The following MERTK variants were observed in gnomAD, a reference collection of about 807,000 sequenced individuals.
MERTK encodes MER proto-oncogene, tyrosine kinase.
Under a neutral mutation model 99.3 loss-of-function variants are expected in MERTK, and 69 were observed. The ratio of observed to expected loss-of-function variants is 0.70; its 90% CI spans 0.57 to 0.85. The LOEUF is 0.85. Ranked by LOEUF, MERTK falls within the 40% of genes least tolerant of loss-of-function variation. The pLI is 0.00. For missense variants in MERTK, 1,125 were observed against 1,249.4 expected, an observed-to-expected ratio of 0.90 and a Z score of 1.50; for synonymous variants, 426 against 467.6, an observed-to-expected ratio of 0.91 and a Z score of 1.15.
intron 6 of MERTK, among the ~76,000 whole-genome samples, chr2:111,973,810 C>T (rs1676172935): frequency 6.6e-6 from 1 of 152,044 alleles, no homozygotes. Flanking sequence ...ATGGAAGTTT[C>T]GCCCAGGACT....
At chr2:111,973,769 A>G (rs1030759646) in intron 6 of MERTK, among the ~76,000 whole-genome samples, 2 of 152,054 alleles carry the variant, frequency 1.3e-5, no homozygotes, top group East Asian at 1.9e-4. Context: ...CCTTATCCCC[A>G]TACCCAGACA....
chr2:111,901,523 A>G (rs1684042016), intron 1 of MERTK, among the ~76,000 whole-genome samples: 1 of 151,800 alleles, frequency 6.6e-6, no homozygotes, highest in African/African-American at 2.4e-5. Context: ...CTGACCCATT[A>G]AAGTGCTGAG....
In MERTK at chr2:111,935,267, G is replaced by C. The variant is rs76856141; in HGVS notation, c.482+5727G>C. On this transcript the variant is annotated intron_variant, in intron 2 of 18. Coordinates refer to ENST00000295408, the MANE Select transcript of MERTK (RefSeq NM_006343.3). ...GAGGGATGGCTGAACATTGAGGCAA[G>C]TTGGGCAGACCTGGTCCCTGTCCTC... 6.2e-3 allele frequency among the ~76,000 whole-genome samples: 947 copies of C among 152,340 alleles called. 6 individuals carry two copies. The highest frequency in any genetic ancestry group is 0.01 in the Non-Finnish European group (691 of 68,032).
Position 112,029,444 on chromosome 2 carries a change from T to A in MERTK, c.*580T>A. 1.7e-6 allele frequency: 1 copy of A among 603,588 alleles called. No individual in the cohort carries two copies. Among genetic ancestry groups the A allele is most frequent in the Non-Finnish European group, 2.1e-6 (1 of 481,074 alleles). The allele number at this position is 603,588 out of a possible 1,614,324, so 37.4% of individuals were successfully genotyped here. ...TGTGGCCTTTGCAAAGGAATTCCCT[T>A]AATGCCTGGTCCTTGGGGCAATTGC... On this transcript the variant is annotated 3_prime_UTR_variant, in exon 19 of 19. Coordinates refer to ENST00000295408, the MANE Select transcript of MERTK (RefSeq NM_006343.3).
chr2:112,006,577 G>A (rs996522270), intron 13 of MERTK, among the ~76,000 whole-genome samples: 1 of 152,136 alleles, frequency 6.6e-6, no homozygotes, highest in African/African-American at 2.4e-5. Context: ...GGGAGGAGCT[G>A]GGCCTGGAAC....
At chr2:112,015,215 A>G (rs1252619600) in intron 15 of MERTK, among the ~76,000 whole-genome samples, 1 of 152,224 alleles carries the variant, frequency 6.6e-6, no homozygotes, top group Non-Finnish European at 1.5e-5. Flanking sequence ...ATGCTGGGTC[A>G]TATGGTAAGT....
Position 111,922,283 on chromosome 2 carries a change from A to AGTCACCTCGGTGATCACCTTG in MERTK, c.62-6835_62-6815dup, listed in dbSNP as rs1437812505. On this transcript the variant is annotated intron_variant, in intron 1 of 18. Coordinates refer to ENST00000295408, the MANE Select transcript of MERTK (RefSeq NM_006343.3). ...AATTTCAGTTGCTGCTGCTTTCTTT[A>AGTCACCTCGGTGATCACCTTG]GTCACCTCGGTGATCACCTTGGGCT... Among the ~76,000 whole-genome samples the AGTCACCTCGGTGATCACCTTG allele has an allele frequency of 4.3e-4, 65 of 152,298 alleles. 1 individual carries two copies. The Middle Eastern group carries it at 0.01, about 24-fold the overall frequency.
chr2:111,974,858 A>G (rs145844300), intron 6 of MERTK, among the ~76,000 whole-genome samples: 77 of 152,052 alleles, frequency 5.1e-4, no homozygotes, highest in African/African-American at 1.5e-3. Context: ...AATTTGGGAA[A>G]TATTTCCTTT....
intron 7 of MERTK, among the ~76,000 whole-genome samples, chr2:111,982,470 T>A (rs371926216): frequency 3.3e-5 from 5 of 152,222 alleles, no homozygotes; most frequent in African/African-American, 9.6e-5. Context: ...GTAGCCTCAA[T>A]CTCCTGGGCT....
chr2:111,974,793 G>GAAAGA (rs1231960779), intron 6 of MERTK, among the ~76,000 whole-genome samples: 12 of 107,774 alleles, frequency 1.1e-4, no homozygotes, highest in Admixed American at 1.9e-4. Flanking sequence ...AAAAAAAAAA[G>GAAAGA]AAAGAAAAGA....
At chr2:111,999,490 G>A (rs1161935872) in intron 10 of MERTK, among the ~76,000 whole-genome samples, 2 of 151,940 alleles carry the variant, frequency 1.3e-5, no homozygotes, top group Non-Finnish European at 2.9e-5. Context: ...ATAGAGATGA[G>A]GCATCTCACT....
chr2:111,997,136 G>T, intron 9 of MERTK, 187 bp from the exon 10 acceptor site: 1 of 776,058 alleles, frequency 1.3e-6, no homozygotes, highest in South Asian at 1.4e-5. Flanking sequence ...AATCAAGCTA[G>T]TTTCCCATCA....
chr2:111,911,219 A>C (rs1383754970), intron 1 of MERTK, among the ~76,000 whole-genome samples: 2 of 152,072 alleles, frequency 1.3e-5, no homozygotes, highest in Admixed American at 6.5e-5. Context: ...ACATGTTATA[A>C]AATTTCATAT....
At chr2:112,003,363 G>A (rs1030537944) in intron 12 of MERTK, 176 bp downstream of exon 12, 2 of 517,264 alleles carry the variant, frequency 3.9e-6, no homozygotes, top group Non-Finnish European at 6.9e-6. Flanking sequence ...ACTCAGATCT[G>A]GCACATGAAA....
intron 6 of MERTK, among the ~76,000 whole-genome samples, chr2:111,973,811 G>A (rs996343888): frequency 3.3e-5 from 5 of 151,958 alleles, no homozygotes; most frequent in Admixed American, 2.0e-4. Flanking sequence ...TGGAAGTTTC[G>A]CCCAGGACTA....
At position 112,021,647 on chromosome 2, in the gene MERTK, C is replaced by A. The variant is rs1278960085; in HGVS notation, c.2349+66C>A. On this transcript the variant is annotated intron_variant, in intron 17 of 18. Transcript: ENST00000295408. ...GAGGAGGGCATATTGAAAGAAATGA[C>A]CTCAGCTGGTATGGCAAGACATTTT... The A allele has an allele frequency of 8.3e-6, 12 of 1,452,814 alleles. No individual in the cohort carries two copies. The Admixed American group carries it at 1.8e-4, about 22-fold the overall frequency. The allele number at this position is 1,452,814 out of a possible 1,614,324, so 90.0% of individuals were successfully genotyped here.
chr2:112,025,783 T>C (rs955766906), intron 18 of MERTK, among the ~76,000 whole-genome samples: 1 of 152,228 alleles, frequency 6.6e-6, no homozygotes, highest in Admixed American at 6.5e-5. Flanking sequence ...ATTCATATGA[T>C]TGCATTTAAT....
chr2:111,950,623 G>C (rs1685037617), intron 4 of MERTK, among the ~76,000 whole-genome samples: 1 of 152,080 alleles, frequency 6.6e-6, no homozygotes, highest in South Asian at 2.1e-4. Flanking sequence ...AGATTATTGT[G>C]GTTTTAGTTT....
chr2:111,968,058 ATTTG>A (rs1439311393), intron 5 of MERTK, 75 bp from the exon 6 acceptor site: 1 of 1,029,240 alleles, frequency 9.7e-7, no homozygotes, highest in South Asian at 1.3e-5. Flanking sequence ...GTATTAATGC[ATTTG>A]TTTGGTAGCT....
Sources: allele counts gnomAD v4.1 joint callset (sites outside exome capture counted in the v4.1 genomes callset), GRCh38; gene constraint gnomAD v4.1.1; transcripts MANE v1.5; gene names NCBI Gene and HGNC (gene_info 2026-07-23, HGNC 2026-07-21).